Variants in ACP3 observed in about 807,000 individuals in gnomAD.
ACP3 encodes acid phosphatase 3.
A neutral mutation model predicts 45.6 loss-of-function variants in ACP3; 38 were observed. The ratio of observed to expected loss-of-function variants is 0.83; its 90% CI spans 0.64 to 1.09. The LOEUF is 1.09. Ranked by LOEUF, ACP3 falls within the 50% of genes least tolerant of loss-of-function variation. ACP3 has a pLI of 0.00. For missense variants in ACP3, 466 were observed against 463.2 expected (o/e 1.01, Z -0.05); for synonymous variants, 162 against 164.7 (o/e 0.98, Z 0.13).
intron 6 of ACP3, 96 bp from the exon 7 acceptor site, chr3:132,344,831 G>T (rs1937589896): frequency 3.6e-6 from 5 of 1,402,986 alleles, no homozygotes. Context: ...AGAAAGTCTG[G>T]CCCTACTAGT....
At chr3:132,354,609 CTG>C (rs896510278) in intron 9 of ACP3, among the ~76,000 whole-genome samples, 56 of 152,260 alleles carry the variant, frequency 3.7e-4, no homozygotes, top group African/African-American at 1.3e-3. Context: ...GTGATCCTGA[CTG>C]TGAAGTGATC....
chr3:132,331,765 A>G (rs1396546906), intron 3 of ACP3, 32 bp downstream of exon 3: 2 of 1,510,752 alleles, frequency 1.3e-6, no homozygotes, highest in Non-Finnish European at 1.8e-6. Context: ...GGGAACTTTG[A>G]TCTTTGAAAT....
At chr3:132,327,860 G>T (rs1313417665) in intron 1 of ACP3, among the ~76,000 whole-genome samples, 1 of 151,836 alleles carries the variant, frequency 6.6e-6, no homozygotes, top group African/African-American at 2.4e-5. Context: ...ATCAGAGTTT[G>T]TCTGCAGTAA....
chr3:132,350,427 G>A (rs1937701064), intron 8 of ACP3, among the ~76,000 whole-genome samples: 1 of 152,208 alleles, frequency 6.6e-6, no homozygotes, highest in Non-Finnish European at 1.5e-5. Flanking sequence ...GGCCAGGAAT[G>A]TTGTGTCCAA....
At chr3:132,320,095 A>G (rs1434746076) in intron 1 of ACP3, among the ~76,000 whole-genome samples, 1 of 152,234 alleles carries the variant, frequency 6.6e-6, no homozygotes, top group Non-Finnish European at 1.5e-5. Context: ...GAACTGGGTT[A>G]AACTGTGTTT....
At chr3:132,367,699 C>A (rs756672138) in intron 10 of ACP3, 1 of 1,590,744 alleles carries the variant, frequency 6.3e-7, no homozygotes, top group Non-Finnish European at 8.6e-7. Flanking sequence ...CCTATTTTCC[C>A]ACAGTTCTAA....
In ACP3 at chr3:132,342,577, T is replaced by C; in HGVS notation, c.581T>C (p.Leu194Pro). ...GATTTTATAGCTACCTTGGGAAAAC[T>C]TTCAGGATTACATGGCCAGGACCTT... ...YKDFIATLGK[L>P]SGLHGQDLFG... is the part of the protein sequence containing the mutation. The change falls in exon 6 of 10, where the codon CTT becomes CCT. Residue 194 changes from leucine (L) to proline (P), a missense_variant. Leu to Pro is a moderately conservative substitution (Grantham distance 98). Coordinates refer to ENST00000336375, the MANE Select transcript of ACP3 (RefSeq NM_001099.5). 6.2e-7 allele frequency: 1 copy of C among 1,613,146 alleles called. No individual in the cohort carries two copies. The highest frequency in any genetic ancestry group is 8.5e-7 in the Non-Finnish European group (1 of 1,179,674).
intron 9 of ACP3, among the ~76,000 whole-genome samples, chr3:132,356,414 A>G (rs1422104615): frequency 6.6e-6 from 1 of 152,016 alleles, no homozygotes; most frequent in African/African-American, 2.4e-5. Context: ...CCCTGCAACC[A>G]TCACTTCTCA....
intron 2 of ACP3, 56 bp from the exon 3 acceptor site, chr3:132,331,591 A>G: frequency 1.5e-6 from 2 of 1,357,380 alleles, no homozygotes. Flanking sequence ...TTTTTATGAT[A>G]GTGTGATTCA....
At chr3:132,368,107 G>A (rs929390043) in exon 11 of ACP3, 8 of 241,750 alleles carry the variant, frequency 3.3e-5, no homozygotes, top group Admixed American at 1.1e-4. Context: ...ACAGTTGTCC[G>A]GAGAGAAATA....
Position 132,330,852 on chromosome 3 carries a change from T to G in ACP3, c.217-795T>G, listed in dbSNP as rs547752724. ...GCATCTGAATCACTTGGGAGACTTG[T>G]TAAAATGCAGATGTCAGGGCCCCAC... On this transcript the variant is annotated intron_variant, in intron 2 of 9. Transcript: ENST00000336375. 2.5e-3 allele frequency among the ~76,000 whole-genome samples: 384 copies of G among 152,318 alleles called. 4 individuals carry two copies. Among genetic ancestry groups the G allele is most frequent in the African/African-American group, 8.9e-3 (369 of 41,572 alleles).
intron 7 of ACP3, among the ~76,000 whole-genome samples, chr3:132,346,734 A>C (rs1937613570): frequency 6.6e-6 from 1 of 152,166 alleles, no homozygotes; most frequent in South Asian, 2.1e-4. Flanking sequence ...AGCCCCATCA[A>C]ATGGTGGAAG....
intron 4 of ACP3, among the ~76,000 whole-genome samples, chr3:132,333,054 G>GT (rs1167619148): frequency 2.0e-5 from 3 of 152,042 alleles, no homozygotes; most frequent in Admixed American, 1.3e-4. Context: ...GGATCACGTG[G>GT]TTTTTTAAAA....
At chr3:132,353,696 A>C (rs569753645) in intron 9 of ACP3, among the ~76,000 whole-genome samples, 38 of 152,322 alleles carry the variant, frequency 2.5e-4, no homozygotes, top group African/African-American at 8.7e-4. Context: ...GTGCAGTTAC[A>C]TGGGGACCTG....
downstream of ACP3, among the ~76,000 whole-genome samples, chr3:132,362,606 T>C (rs186117203): frequency 9.2e-5 from 14 of 152,208 alleles, no homozygotes; most frequent in East Asian, 1.2e-3. Context: ...ATGAAGGGCA[T>C]AAGGAGAAAA....
intron 10 of ACP3, among the ~76,000 whole-genome samples, chr3:132,367,481 A>T (rs899151162): frequency 4.6e-5 from 7 of 152,042 alleles, no homozygotes; most frequent in Admixed American, 2.0e-4. Flanking sequence ...TTCAGTGGGG[A>T]GCTGAATCTC....
At chr3:132,350,634 A>G (rs1452728302) in intron 8 of ACP3, among the ~76,000 whole-genome samples, 1 of 152,212 alleles carries the variant, frequency 6.6e-6, no homozygotes, top group Non-Finnish European at 1.5e-5. Context: ...ACAGATATAC[A>G]ACATCTCCAT....
intron 6 of ACP3, among the ~76,000 whole-genome samples, chr3:132,344,700 T>G (rs1320969756): frequency 1.3e-5 from 2 of 152,182 alleles, no homozygotes; most frequent in Non-Finnish European, 2.9e-5. Flanking sequence ...GATCCAGAGT[T>G]AAACCAAAAG....
chr3:132,357,411 G>A lies in ACP3; in HGVS notation c.*533G>A, dbSNP rs2107819557. On this transcript the variant is annotated 3_prime_UTR_variant, in exon 10 of 10. Coordinates refer to ENST00000336375, the MANE Select transcript of ACP3 (RefSeq NM_001099.5). ...GAGAGGCAAAGAAAGGAGATACAGT[G>A]GAGACATCTGGAAAGTTTTCTCCAC... 1 of 985,302 alleles carries A rather than the reference G, an allele frequency of 1.0e-6. No individual in the cohort carries two copies. The allele number at this position is 985,302 out of a possible 1,614,324, so 61.0% of individuals were successfully genotyped here. A position where few individuals can be genotyped will look rare whatever the true frequency, so the allele number is the denominator to read the frequency against.
Sources: allele counts gnomAD v4.1 joint callset (sites outside exome capture counted in the v4.1 genomes callset), GRCh38; gene constraint gnomAD v4.1.1; transcripts MANE v1.5; gene names NCBI Gene and HGNC (gene_info 2026-07-23, HGNC 2026-07-21).